AOAH: variants seen among roughly 807,000 people sequenced by gnomAD.
AOAH encodes acyloxyacyl hydrolase (neutrophil).
Under a neutral mutation model 92.2 loss-of-function variants are expected in AOAH, and 64 were observed. The observed-to-expected ratio is 0.69, with a 90% CI of 0.57 to 0.86. AOAH has a LOEUF of 0.86. AOAH is among the 40% of genes least tolerant of loss of function. The pLI, the probability that AOAH is intolerant of heterozygous loss-of-function variation, is 0.00. For synonymous variants in AOAH, 263 were observed against 254.5 expected (o/e 1.03, Z -0.32); for missense variants, 656 against 694.6 (o/e 0.94, Z 0.62).
intron 18 of AOAH, 96 bp from the exon 19 acceptor site, chr7:36,530,610 C>G (rs1784638885): frequency 2.6e-6 from 2 of 763,910 alleles, no homozygotes; most frequent in African/African-American, 3.5e-5. Flanking sequence ...CTTCCCCATC[C>G]TACTCTACTT....
intron 7 of AOAH, among the ~76,000 whole-genome samples, chr7:36,622,920 C>T (rs1792384454): frequency 6.6e-6 from 1 of 152,110 alleles, no homozygotes; most frequent in Non-Finnish European, 1.5e-5. Flanking sequence ...GTGGTGCATG[C>T]CTGTAATCCC....
chr7:36,525,405 A>T (rs1244949154), intron 19 of AOAH, among the ~76,000 whole-genome samples: 1 of 152,218 alleles, frequency 6.6e-6, no homozygotes, highest in South Asian at 2.1e-4. Flanking sequence ...AGTTTCTTAG[A>T]CTGTGATTCA....
intron 11 of AOAH, among the ~76,000 whole-genome samples, chr7:36,603,905 G>T (rs533166768): frequency 1.3e-5 from 2 of 152,264 alleles, no homozygotes; most frequent in South Asian, 4.1e-4. Context: ...TCCATATTCT[G>T]CTATATTTTC....
At chr7:36,638,466 C>T (rs1418960524) in intron 4 of AOAH, among the ~76,000 whole-genome samples, 2 of 152,174 alleles carry the variant, frequency 1.3e-5, no homozygotes, top group East Asian at 1.9e-4. Context: ...ATTTTGAGAG[C>T]ATCTAAGTGC....
At chr7:36,551,399 T>A (rs1786247428) in intron 13 of AOAH, among the ~76,000 whole-genome samples, 1 of 152,068 alleles carries the variant, frequency 6.6e-6, no homozygotes, top group Non-Finnish European at 1.5e-5. Context: ...CCCTTTTGAG[T>A]GTACAATTCA....
At chr7:36,721,326 T>C (rs1229791202) in intron 1 of AOAH, among the ~76,000 whole-genome samples, 3 of 152,192 alleles carry the variant, frequency 2.0e-5, no homozygotes, top group South Asian at 4.1e-4. Context: ...ACTTCTTTTA[T>C]GGCTGCAGCA....
chr7:36,616,342 C>T (rs761655028), intron 11 of AOAH, 38 bp downstream of exon 11: 5 of 1,539,674 alleles, frequency 3.2e-6, no homozygotes, highest in Non-Finnish European at 4.5e-6. Flanking sequence ...AAAACAAAGG[C>T]CAGCACATCT....
chr7:36,546,368 C>G (rs1785800880), intron 15 of AOAH, among the ~76,000 whole-genome samples: 1 of 152,228 alleles, frequency 6.6e-6, no homozygotes, highest in Admixed American at 6.5e-5. Context: ...CCTTGACGTT[C>G]TGGCAGATGG....
At chr7:36,575,159 C>T (rs1257357989) in intron 13 of AOAH, among the ~76,000 whole-genome samples, 2 of 152,134 alleles carry the variant, frequency 1.3e-5, no homozygotes, top group Admixed American at 6.6e-5. Context: ...AGTCACATGG[C>T]CAGATTTGAC....
intron 13 of AOAH, among the ~76,000 whole-genome samples, chr7:36,555,062 C>T (rs1416217792): frequency 6.9e-6 from 1 of 145,702 alleles, no homozygotes; most frequent in Admixed American, 6.9e-5. Context: ...TGTCTTGTGC[C>T]AGTTTTCAAA....
chr7:36,567,063 C>T (rs918929116), intron 13 of AOAH, among the ~76,000 whole-genome samples: 1 of 152,268 alleles, frequency 6.6e-6, no homozygotes, highest in Non-Finnish European at 1.5e-5. Context: ...GCACCCACCT[C>T]GGCCTCTCAA....
chr7:36,590,528 A>G lies in AOAH; in HGVS notation c.938+3811T>C, dbSNP rs144852777. On this transcript the variant is annotated intron_variant, in intron 12 of 20. Transcript: ENST00000617537. Reference sequence around the variant, plus strand: ...CATGCACATAATTTCAATTAAAGTTATCTATGAAGGGGATAATAAATTTTG... The same window carrying G: ...CATGCACATAATTTCAATTAAAGTTGTCTATGAAGGGGATAATAAATTTTG... Among the ~76,000 whole-genome samples, 6 of 152,354 alleles carry G rather than the reference A, an allele frequency of 3.9e-5. No individual in the cohort carries two copies. In the East Asian group the frequency reaches 9.6e-4, roughly 24 times the overall value.
At chr7:36,513,430 A>G in intron 20 of AOAH, 50 bp from the exon 21 acceptor site, 2 of 1,577,500 alleles carry the variant, frequency 1.3e-6, no homozygotes, top group Non-Finnish European at 1.7e-6. Context: ...AGGACAAATC[A>G]CTTACCAACA....
At chr7:36,515,308 C>T (rs183867655) in intron 20 of AOAH, among the ~76,000 whole-genome samples, 1 of 132,036 alleles carries the variant, frequency 7.6e-6, no homozygotes, top group African/African-American at 2.9e-5. Context: ...ACACACTATA[C>T]CCCACACCCC....
chr7:36,696,160 T>C (rs1347864015), intron 1 of AOAH, among the ~76,000 whole-genome samples: 1 of 152,218 alleles, frequency 6.6e-6, no homozygotes, highest in East Asian at 1.9e-4. Context: ...CCCACACCAA[T>C]ACCACACTGT....
chr7:36,548,731 C>T, intron 14 of AOAH, 45 bp from the exon 15 acceptor site: 1 of 1,564,638 alleles, frequency 6.4e-7, no homozygotes, highest in Non-Finnish European at 8.8e-7. Flanking sequence ...ACTTGGAAAC[C>T]TAGCTTTGTA....
intron 1 of AOAH, among the ~76,000 whole-genome samples, chr7:36,710,922 G>C (rs530224563): frequency 6.6e-6 from 1 of 151,972 alleles, no homozygotes; most frequent in Admixed American, 6.5e-5. Context: ...CAGGCTGTTC[G>C]CATCACCCTG....
chr7:36,532,019 T>G lies in AOAH; in HGVS notation c.1425+128A>C, dbSNP rs928435615. 7 of 1,125,728 alleles carry G rather than the reference T, an allele frequency of 6.2e-6. No homozygotes were observed. The Admixed American group carries it at 9.5e-5, about 15-fold the overall frequency. 69.7% of individuals were successfully genotyped at this position (1,125,728 alleles called of 1,614,324 possible). A position where few individuals can be genotyped will look rare whatever the true frequency, so the allele number is the denominator to read the frequency against. ...CTCGGCTCCTCAAGCACCTGGAAGG[T>G]TTGATTTTGTTATTCACCAGCTTGG... On this transcript the variant is annotated intron_variant, in intron 18 of 20. Transcript: ENST00000617537.
intron 11 of AOAH, among the ~76,000 whole-genome samples, chr7:36,606,929 G>T (rs192681920): frequency 6.6e-6 from 1 of 152,306 alleles, no homozygotes; most frequent in African/African-American, 2.4e-5. Context: ...AGAAGAAAGG[G>T]AGCAGACAGG....
Sources: allele counts gnomAD v4.1 joint callset (sites outside exome capture counted in the v4.1 genomes callset), GRCh38; gene constraint gnomAD v4.1.1; transcripts MANE v1.5; gene names NCBI Gene and HGNC (gene_info 2026-07-23, HGNC 2026-07-21).